HS6ST3: variants seen among roughly 807,000 people sequenced by gnomAD.
HS6ST3 encodes heparan sulfate 6-O-sulfotransferase 3.
Under a neutral mutation model 36.7 loss-of-function variants are expected in HS6ST3, and 12 were observed. That is an observed-to-expected ratio of 0.33 (90% CI 0.21 to 0.53). The LOEUF is 0.53. HS6ST3 is among the 20% of genes least tolerant of loss of function. The pLI is 0.95. For synonymous variants in HS6ST3, 240 were observed against 257.5 expected, an observed-to-expected ratio of 0.93 and a Z score of 0.65; for missense variants, 584 against 640.9, an observed-to-expected ratio of 0.91 and a Z score of 0.96.
intron 1 of HS6ST3, among the ~76,000 whole-genome samples, chr13:96,192,276 AT>A (rs1412769523): frequency 6.6e-6 from 1 of 152,008 alleles, no homozygotes; most frequent in Non-Finnish European, 1.5e-5. Flanking sequence ...AAATATGATA[AT>A]TTTTTTCTAT....
chr13:96,596,358 T>C (rs1055708916), intron 1 of HS6ST3, among the ~76,000 whole-genome samples: 1 of 152,216 alleles, frequency 6.6e-6, no homozygotes, highest in African/African-American at 2.4e-5. Context: ...TATTAACTCA[T>C]CAGTTGATGA....
At chr13:96,786,956 G>A (rs528771375) in intron 1 of HS6ST3, among the ~76,000 whole-genome samples, 1 of 152,072 alleles carries the variant, frequency 6.6e-6, no homozygotes, top group Admixed American at 6.6e-5. Flanking sequence ...TTTTCAGAAT[G>A]TCCTAAATTT....
At chr13:96,718,017 G>A (rs946221677) in intron 1 of HS6ST3, among the ~76,000 whole-genome samples, 1 of 152,074 alleles carries the variant, frequency 6.6e-6, no homozygotes, top group Non-Finnish European at 1.5e-5. Flanking sequence ...CAGTCTCCCT[G>A]TCTTAGACTT....
chr13:96,730,039 G>A (rs946857407), intron 1 of HS6ST3, among the ~76,000 whole-genome samples: 4 of 152,130 alleles, frequency 2.6e-5, no homozygotes, highest in Non-Finnish European at 5.9e-5. Context: ...TCATGCAATT[G>A]TATCTTTTCT....
At chr13:96,651,267 T>G (rs1253160292) in intron 1 of HS6ST3, among the ~76,000 whole-genome samples, 2 of 152,064 alleles carry the variant, frequency 1.3e-5, no homozygotes, top group African/African-American at 2.4e-5. Context: ...TCTACTCCTT[T>G]CCTAATATCA....
intron 1 of HS6ST3, among the ~76,000 whole-genome samples, chr13:96,736,195 C>G (rs188975764): frequency 1.1e-3 from 166 of 152,114 alleles, no homozygotes; most frequent in African/African-American, 3.7e-3. Context: ...GTAACATACC[C>G]ACACATCCTG....
At chr13:96,295,530 C>G (rs1318916338) in intron 1 of HS6ST3, among the ~76,000 whole-genome samples, 3 of 152,068 alleles carry the variant, frequency 2.0e-5, no homozygotes, top group Non-Finnish European at 4.4e-5. Context: ...AGATGTTGAG[C>G]TCTCTTTAAA....
chr13:96,370,884 C>T (rs1393103391), intron 1 of HS6ST3, among the ~76,000 whole-genome samples: 2 of 151,882 alleles, frequency 1.3e-5, no homozygotes, highest in South Asian at 2.1e-4. Context: ...GGTGACGGAG[C>T]GAGACACCGT....
chr13:96,681,093 A>G (rs190415455), intron 1 of HS6ST3, among the ~76,000 whole-genome samples: 5 of 152,298 alleles, frequency 3.3e-5, no homozygotes, highest in African/African-American at 1.2e-4. Context: ...GAAATCGTGG[A>G]CTGTGCTTAT....
intron 1 of HS6ST3, 139 bp downstream of exon 1, chr13:96,091,708 G>T (rs1172939120): frequency 4.9e-6 from 6 of 1,218,972 alleles, no homozygotes; most frequent in Non-Finnish European, 5.6e-6. Context: ...CGTGGCTTTG[G>T]GGAGGGATGA....
intron 1 of HS6ST3, among the ~76,000 whole-genome samples, chr13:96,766,032 G>A (rs1045646378): frequency 6.6e-6 from 1 of 152,122 alleles, no homozygotes; most frequent in African/African-American, 2.4e-5. Context: ...ATCAGTCAGA[G>A]CTACTAAGTT....
At chr13:96,105,084 A>G (rs2053835529) in intron 1 of HS6ST3, among the ~76,000 whole-genome samples, 1 of 151,848 alleles carries the variant, frequency 6.6e-6, no homozygotes, top group Admixed American at 6.6e-5. Context: ...AAAAAAAGAA[A>G]AAGAAAGAAG....
At position 96,799,581 on chromosome 13, in the gene HS6ST3, T is replaced by C. The variant is rs1265642833; in HGVS notation, c.708-32909T>C. On this transcript the variant is annotated intron_variant, in intron 1 of 1. Transcript: ENST00000376705. ...TCACTCATAGGTGGGAATTGAACAA[T>C]GAGAACACATGGACACAGGAAGGGG... Among the ~76,000 whole-genome samples the C allele has an allele frequency of 5.1e-5, 7 of 136,032 alleles. No homozygotes were observed. In the Admixed American group the frequency reaches 5.2e-4, roughly 10 times the overall value. 89.2% of individuals were successfully genotyped at this position (136,032 alleles called of 152,430 possible).
chr13:96,660,647 A>G (rs2056643071), intron 1 of HS6ST3, among the ~76,000 whole-genome samples: 1 of 152,182 alleles, frequency 6.6e-6, no homozygotes, highest in Admixed American at 6.6e-5. Flanking sequence ...AACAATAACT[A>G]TAATGTTAAT....
At chr13:96,252,915 C>T (rs1318193689) in intron 1 of HS6ST3, among the ~76,000 whole-genome samples, 4 of 152,112 alleles carry the variant, frequency 2.6e-5, no homozygotes, top group African/African-American at 9.7e-5. Context: ...CACTATGTTT[C>T]CTCTGCAGCC....
chr13:96,816,612 T>C (rs893386725), intron 1 of HS6ST3, among the ~76,000 whole-genome samples: 1 of 152,152 alleles, frequency 6.6e-6, no homozygotes, highest in African/African-American at 2.4e-5. Flanking sequence ...TGCCCTGTTC[T>C]CCCTGACCCC....
chr13:96,553,199 G>C (rs548776862), intron 1 of HS6ST3, among the ~76,000 whole-genome samples: 1 of 152,212 alleles, frequency 6.6e-6, no homozygotes, highest in South Asian at 2.1e-4. Context: ...TTCTATTCCT[G>C]GCTTATAGCC....
At chr13:96,708,792 A>G (rs1875491279) in intron 1 of HS6ST3, among the ~76,000 whole-genome samples, 1 of 152,210 alleles carries the variant, frequency 6.6e-6, no homozygotes, top group South Asian at 2.1e-4. Flanking sequence ...AGGCCTATCA[A>G]TGAAGGACAA....
chr13:96,417,030 G>A (rs1455581417), intron 1 of HS6ST3, among the ~76,000 whole-genome samples: 3 of 152,188 alleles, frequency 2.0e-5, no homozygotes, highest in African/African-American at 4.8e-5. Flanking sequence ...GATTACAGGC[G>A]TGAGCCACCG....
Sources: allele counts gnomAD v4.1 joint callset (sites outside exome capture counted in the v4.1 genomes callset), GRCh38; gene constraint gnomAD v4.1.1; transcripts MANE v1.5; gene names NCBI Gene and HGNC (gene_info 2026-07-23, HGNC 2026-07-21).